The following TCERG1 variants were observed in gnomAD, a reference collection of about 807,000 sequenced individuals.
TCERG1 encodes the protein transcription elongation regulator 1, also known as TATA box binding protein (TBP)-associated factor, RNA polymerase II, S, 150kD.
TCERG1 carries 37 observed loss-of-function variants against 144.7 expected under a neutral mutation model. The observed-to-expected ratio is 0.26, with a 90% CI of 0.20 to 0.34. TCERG1 has a LOEUF of 0.34. Ranked by LOEUF, TCERG1 falls within the 10% of genes least tolerant of loss-of-function variation. TCERG1 has a pLI of 1.00. For synonymous variants in TCERG1, 492 were observed against 458.2 expected, an observed-to-expected ratio of 1.07 and a Z score of -0.94; for missense variants, 1,027 against 1,380.7, an observed-to-expected ratio of 0.74 and a Z score of 4.06.
chr5:146,447,372 G>C lies in TCERG1; in HGVS notation c.23G>C (p.Gly8Ala). 6.2e-7 allele frequency: 1 copy of C among 1,611,568 alleles called. No individual in the cohort carries two copies. The highest frequency in any genetic ancestry group is 8.5e-7 in the Non-Finnish European group (1 of 1,179,098). The change falls in exon 1 of 23, where the codon GGG becomes GCG. Residue 8 changes from glycine to alanine, a missense_variant. By Grantham distance (60) the Gly-to-Ala change is moderately conservative (BLOSUM62 0). Transcript: ENST00000679501. MAERGGDGGESERFNPGE... is the reference protein window; with the variant it reads MAERGGDAGESERFNPGE... ...GTAATGGCGGAGCGTGGCGGGGACG[G>C]GGGCGAGAGTGAACGATTCAACCCG...
At chr5:146,468,215 C>T (rs916868907) in intron 5 of TCERG1, 126 bp from the exon 6 acceptor site, 1 of 713,416 alleles carries the variant, frequency 1.4e-6, no homozygotes, top group Non-Finnish European at 2.1e-6. Flanking sequence ...AATTTTACTC[C>T]ATTCTTGGTC....
intron 22 of TCERG1, chr5:146,510,214 C>T (rs1198762108): frequency 1.3e-6 from 1 of 791,036 alleles, no homozygotes; most frequent in Non-Finnish European, 1.9e-6. Flanking sequence ...CTGGAGGGAC[C>T]ACCACTAGGG....
intron 5 of TCERG1, among the ~76,000 whole-genome samples, chr5:146,465,382 T>C (rs2150339369): frequency 6.6e-6 from 1 of 152,348 alleles, no homozygotes; most frequent in Non-Finnish European, 1.5e-5. Context: ...TTAGAGGTTC[T>C]TATTAGGACT....
chr5:146,498,804 GTTCTT>G, intron 17 of TCERG1, 118 bp downstream of exon 17: 1 of 1,016,294 alleles, frequency 9.8e-7, no homozygotes, highest in Non-Finnish European at 1.3e-6. Context: ...TACATGGACT[GTTCTT>G]TTAAGTTAAC....
chr5:146,461,341 T>G (rs1763309316), intron 4 of TCERG1, among the ~76,000 whole-genome samples: 1 of 152,204 alleles, frequency 6.6e-6, no homozygotes, highest in Non-Finnish European at 1.5e-5. Flanking sequence ...CTTACTGCAA[T>G]CTTAATATTT....
Position 146,482,671 on chromosome 5 carries a change from A to T in TCERG1, c.2017A>T (p.Ile673Phe). Residue 673 changes from isoleucine (I) to phenylalanine (F), a missense_variant, in exon 14 of 23, where the codon ATT (isoleucine) becomes TTT (phenylalanine). Coordinates refer to ENST00000679501, the MANE Select transcript of TCERG1 (RefSeq NM_001382548.1). Reference protein sequence around the residue: ...AEIKAARERAIVPLEARMKQF... With the variant: ...AEIKAARERAFVPLEARMKQF... Reference sequence around the variant, plus strand: ...AATTAAAGCTGCCCGAGAAAGGGCCATTGTCCCTCTGGAGGCTCGAATGAA... The same window carrying T: ...AATTAAAGCTGCCCGAGAAAGGGCCTTTGTCCCTCTGGAGGCTCGAATGAA... The T allele has an allele frequency of 1.9e-6, 3 of 1,613,424 alleles. No individual in the cohort carries two copies. Among genetic ancestry groups the T allele is most frequent in the Admixed American group, 1.7e-5 (1 of 59,958 alleles).
In TCERG1 at chr5:146,459,063, G is replaced by A. The variant is rs570448344; in HGVS notation, c.618G>A (p.Gln206=). 283 of 1,596,968 alleles carry A rather than the reference G, an allele frequency of 1.8e-4. 1 individual carries two copies. In the African/African-American group the frequency reaches 3.6e-3, roughly 20 times the overall value. ...QAQAQAQAQA[Q]AQAQAQAQAQ... ...AGGCCCAGGCACAAGCTCAGGCCCA[G>A]GCTCAGGCTCAGGCCCAGGCCCAGG... is the stretch of plus-strand genomic sequence containing the variant. The change falls in exon 4 of 23, where the codon CAG becomes CAA. Residue 206 remains glutamine, a synonymous_variant. Transcript: ENST00000679501.
In TCERG1 at chr5:146,494,513, A is replaced by T. The variant is rs888606534; in HGVS notation, c.2282+1475A>T. On this transcript the variant is annotated intron_variant, in intron 16 of 22. Transcript: ENST00000679501. ...TAGAATTGTTGAAGTGATCTGTATT[A>T]TGCAGGTTACTTCATAAAATGAAAC... 2.6e-5 allele frequency among the ~76,000 whole-genome samples: 4 copies of T among 152,292 alleles called. 1 individual carries two copies. The South Asian group carries it at 6.2e-4, about 24-fold the overall frequency.
At chr5:146,500,372 G>A (rs1308051965) in intron 17 of TCERG1, among the ~76,000 whole-genome samples, 2 of 147,966 alleles carry the variant, frequency 1.4e-5, no homozygotes, top group Admixed American at 6.9e-5. Flanking sequence ...ACTGTATTGT[G>A]TATACTGTTC....
rs1765554435 is a variant in TCERG1 at position 146,483,580 on chromosome 5, T to C, written c.2114T>C (p.Ile705Thr). Residue 705 changes from isoleucine to threonine, a missense_variant, in exon 15 of 23, where the codon ATA becomes ACA. Physicochemically the swap from Ile to Thr is moderately conservative, Grantham distance 89 (BLOSUM62 -1). Coordinates refer to ENST00000679501, the MANE Select transcript of TCERG1 (RefSeq NM_001382548.1). ...ACGTGGGAGAAGGAGTTGCACAAGA[T>C]AGTTTTTGATCCCCGGTACTTACTT... is the stretch of plus-strand genomic sequence containing the variant. Reference protein sequence around the residue: ...FSTWEKELHKIVFDPRYLLLN... With the variant: ...FSTWEKELHKTVFDPRYLLLN... 1.1e-5 allele frequency: 18 copies of C among 1,612,744 alleles called. No homozygotes were observed. The highest frequency in any genetic ancestry group is 1.5e-5 in the Non-Finnish European group (18 of 1,179,290).
chr5:146,501,144 AT>A (rs1767402221), intron 17 of TCERG1, among the ~76,000 whole-genome samples: 2 of 152,202 alleles, frequency 1.3e-5, no homozygotes, highest in African/African-American at 4.8e-5. Context: ...GAAATAGCAC[AT>A]TTGAGGTTGT....
In TCERG1 at chr5:146,487,731, CAAAA is replaced by C. The variant is rs60367472; in HGVS notation, c.2163+4117_2163+4120del. Among the ~76,000 whole-genome samples, 122 of 108,038 alleles carry C rather than the reference CAAAA, an allele frequency of 1.1e-3. 2 individuals carry two copies. In the South Asian group the frequency reaches 0.019, roughly 17 times the overall value. The allele number at this position is 108,038 out of a possible 152,430, so 70.9% of individuals were successfully genotyped here. On this transcript the variant is annotated intron_variant, in intron 15 of 22. Coordinates refer to ENST00000679501, the MANE Select transcript of TCERG1 (RefSeq NM_001382548.1). ...CAGGCAACAGAACAAGACCCTGTTT[CAAAA>C]AAAAAAAAAAAAAATCCTAAAATTT... is the stretch of plus-strand genomic sequence containing the variant.
intron 1 of TCERG1, among the ~76,000 whole-genome samples, chr5:146,449,837 GC>G (rs760897348): frequency 6.6e-6 from 1 of 152,100 alleles, no homozygotes; most frequent in Non-Finnish European, 1.5e-5. Flanking sequence ...TTTCCCTAGA[GC>G]CTTTGTTTAC....
chr5:146,491,560 A>G (rs934677811), intron 15 of TCERG1, among the ~76,000 whole-genome samples: 9 of 152,132 alleles, frequency 5.9e-5, no homozygotes, highest in South Asian at 4.1e-4. Context: ...CAGATTCCCA[A>G]TAAAGACTTC....
intron 4 of TCERG1, among the ~76,000 whole-genome samples, chr5:146,459,969 A>G (rs1378034176): frequency 3.9e-5 from 6 of 152,186 alleles, no homozygotes; most frequent in Non-Finnish European, 1.5e-5. Context: ...CAAATAGGTG[A>G]GACAGGCACT....
chr5:146,496,729 G>T (rs1024086383), intron 16 of TCERG1, among the ~76,000 whole-genome samples: 4 of 151,982 alleles, frequency 2.6e-5, no homozygotes, highest in Non-Finnish European at 5.9e-5. Flanking sequence ...TAAGGCTGGG[G>T]TGCAGTGGCT....
chr5:146,470,442 A>G (rs1436686587), intron 7 of TCERG1, among the ~76,000 whole-genome samples, 194 bp from the exon 8 acceptor site: 1 of 152,234 alleles, frequency 6.6e-6, no homozygotes, highest in African/African-American at 2.4e-5. Context: ...TTCAAATCAG[A>G]TAGTTACCTG....
At chr5:146,486,123 G>T (rs996762352) in intron 15 of TCERG1, among the ~76,000 whole-genome samples, 4 of 152,156 alleles carry the variant, frequency 2.6e-5, no homozygotes, top group African/African-American at 9.7e-5. Context: ...TATTTGCATA[G>T]GAGTATAAAA....
intron 5 of TCERG1, among the ~76,000 whole-genome samples, chr5:146,466,406 G>A (rs906729252): frequency 1.4e-5 from 2 of 145,110 alleles, no homozygotes; most frequent in Admixed American, 1.3e-4. Flanking sequence ...TACAAGAGTA[G>A]GGGGTGGAGT....
Sources: allele counts gnomAD v4.1 joint callset (sites outside exome capture counted in the v4.1 genomes callset), GRCh38; gene constraint gnomAD v4.1.1; transcripts MANE v1.5; gene names NCBI Gene and HGNC (gene_info 2026-07-23, HGNC 2026-07-21).